CFI: variants seen among roughly 807,000 people sequenced by gnomAD.
CFI encodes the protein C3B/C4B inactivator.
A neutral mutation model predicts 78.8 loss-of-function variants in CFI; 66 were observed. That is an observed-to-expected ratio of 0.84 (90% CI 0.69 to 1.03). The LOEUF (loss-of-function observed/expected upper bound fraction) is 1.03, where lower values mean the gene tolerates loss of function less well. Ranked by LOEUF, CFI falls within the 50% of genes least tolerant of loss-of-function variation. CFI has a pLI of 0.00. For missense variants in CFI, 706 were observed against 704.5 expected (o/e 1.00, Z -0.02); for synonymous variants, 250 against 232.6 (o/e 1.07, Z -0.68).
chr4:109,779,385 T>G (rs1729697283), intron 1 of CFI, among the ~76,000 whole-genome samples: 1 of 152,004 alleles, frequency 6.6e-6, no homozygotes, highest in Non-Finnish European at 1.5e-5. Context: ...CATTCACAAT[T>G]GCTTCAAAGA....
At chr4:109,739,074 AT>A (rs1579144908), downstream of CFI, among the ~76,000 whole-genome samples, 1 of 152,186 alleles carries the variant, frequency 6.6e-6, no homozygotes, top group Non-Finnish European at 1.5e-5. Flanking sequence ...AATAGTTAAA[AT>A]TGTTACTTTT....
intron 1 of CFI, among the ~76,000 whole-genome samples, chr4:109,775,362 G>T (rs1245936410): frequency 6.6e-6 from 1 of 152,210 alleles, no homozygotes; most frequent in African/African-American, 2.4e-5. Context: ...TCCCGTGCCT[G>T]GCTCGGAGGG....
intron 9 of CFI, 62 bp from the exon 10 acceptor site, chr4:109,749,383 G>C: frequency 6.5e-7 from 1 of 1,526,760 alleles, no homozygotes; most frequent in Non-Finnish European, 9.1e-7. Context: ...ACAGCCCTAA[G>C]ATATTTCCAT....
intron 12 of CFI, 139 bp from the exon 13 acceptor site, chr4:109,741,249 C>T: frequency 6.7e-7 from 1 of 1,501,002 alleles, no homozygotes; most frequent in South Asian, 1.3e-5. Flanking sequence ...CTTAGAGTCC[C>T]TGGCTGGGCT....
the CFI span, among the ~76,000 whole-genome samples, chr4:109,732,043 C>G: frequency 6.6e-6 from 1 of 152,188 alleles, no homozygotes; most frequent in Non-Finnish European, 1.5e-5. Context: ...ACTCCCTAGT[C>G]CAGGGACAAG....
intron 6 of CFI, among the ~76,000 whole-genome samples, chr4:109,758,477 T>A (rs1217195577): frequency 6.6e-6 from 1 of 152,158 alleles, no homozygotes; most frequent in Non-Finnish European, 1.5e-5. Flanking sequence ...CATTGGAGGT[T>A]ATCCAGAGCA....
Position 109,764,697 on chromosome 4 carries a change from T to TA in CFI, c.329-8dup, listed in dbSNP as rs754551276. The TA allele has an allele frequency of 7.3e-5, 118 of 1,612,102 alleles. No individual in the cohort carries two copies. In the African/African-American group the frequency reaches 1.0e-3, roughly 14 times the overall value. On this transcript the variant is annotated splice_polypyrimidine_tract_variant and splice_region_variant and intron_variant, in intron 2 of 12. Coordinates refer to ENST00000394634, the MANE Select transcript of CFI (RefSeq NM_000204.5). ...AAGGAAACACTAAACTTTCCTAAAA[T>TA]AAAAAAACAAAATAATGTGCAATAT...
chr4:109,734,387 G>T, the CFI span, among the ~76,000 whole-genome samples: 1 of 152,174 alleles, frequency 6.6e-6, no homozygotes, highest in Non-Finnish European at 1.5e-5. Flanking sequence ...TATGAGGAAG[G>T]TGAGGGCCGG....
chr4:109,800,224 A>G (rs1421788325), intron 1 of CFI, among the ~76,000 whole-genome samples: 1 of 151,748 alleles, frequency 6.6e-6, no homozygotes, highest in African/African-American at 2.4e-5. Context: ...TTGTAATAAA[A>G]TTTTAGGGTA....
At chr4:109,734,792 A>G in the CFI span, among the ~76,000 whole-genome samples, 4 of 152,214 alleles carry the variant, frequency 2.6e-5, no homozygotes, top group Non-Finnish European at 5.9e-5. Flanking sequence ...CAACAGAGCA[A>G]CAGTCTGTCT....
In CFI at chr4:109,760,515, A is replaced by T. The variant is rs767376435; in HGVS notation, c.772+8T>A. 3.2e-6 allele frequency: 5 copies of T among 1,542,454 alleles called. No individual in the cohort carries two copies. The highest frequency in any genetic ancestry group is 4.5e-6 in the Non-Finnish European group (5 of 1,114,478). On this transcript the variant is annotated splice_region_variant and intron_variant, in intron 5 of 12. Coordinates refer to ENST00000394634, the MANE Select transcript of CFI (RefSeq NM_000204.5). ...TTTAGAGGATTTAGAGGCTAGATTT[A>T]TGTCTACCTTTACAACACAGTTCAT...
At chr4:109,790,901 A>G (rs1387510127) in intron 1 of CFI, among the ~76,000 whole-genome samples, 2 of 152,212 alleles carry the variant, frequency 1.3e-5, no homozygotes, top group African/African-American at 2.4e-5. Flanking sequence ...TAGTGCCGCA[A>G]TGAACATATG....
chr4:109,776,448 G>T (rs1011347977), intron 1 of CFI, among the ~76,000 whole-genome samples: 1 of 152,130 alleles, frequency 6.6e-6, no homozygotes, highest in Non-Finnish European at 1.5e-5. Flanking sequence ...AATGAACAAA[G>T]CCTCCAAGAA....
intron 6 of CFI, among the ~76,000 whole-genome samples, chr4:109,758,319 G>T (rs1049735649): frequency 6.6e-6 from 1 of 151,770 alleles, no homozygotes; most frequent in Admixed American, 6.6e-5. Flanking sequence ...CTAGAGCAGG[G>T]ACTGGCACAC....
At chr4:109,732,463 T>C in the CFI span, among the ~76,000 whole-genome samples, 1 of 152,230 alleles carries the variant, frequency 6.6e-6, no homozygotes, top group Non-Finnish European at 1.5e-5. Context: ...TAATTGATGC[T>C]GTTAAATACC....
Position 109,756,976 on chromosome 4 carries a change from A to C in CFI, c.904+787T>G, listed in dbSNP as rs140380637. On this transcript the variant is annotated intron_variant, in intron 7 of 12. Coordinates refer to ENST00000394634, the MANE Select transcript of CFI (RefSeq NM_000204.5). The stretch of plus-strand genomic sequence containing the variant: ...AAGAAAGAAAGAAAGAAAGAAAGAA[A>C]GAAATTCTGAGGAGGATCATGAACT... 4.2e-3 allele frequency among the ~76,000 whole-genome samples: 606 copies of C among 144,296 alleles called. 12 individuals carry two copies. Among genetic ancestry groups the C allele is most frequent in the African/African-American group, 0.015 (576 of 39,334 alleles). 94.7% of individuals were successfully genotyped at this position (144,296 alleles called of 152,430 possible). A position where few individuals can be genotyped will look rare whatever the true frequency, so the allele number is the denominator to read the frequency against.
At chr4:109,783,957 T>A (rs1488621281) in intron 1 of CFI, among the ~76,000 whole-genome samples, 2 of 151,354 alleles carry the variant, frequency 1.3e-5, no homozygotes, top group Admixed American at 6.6e-5. Flanking sequence ...TATCGTACGT[T>A]CTCACTGATA....
chr4:109,755,972 A>G (rs1025916105), intron 7 of CFI, among the ~76,000 whole-genome samples: 2 of 152,210 alleles, frequency 1.3e-5, no homozygotes, highest in Non-Finnish European at 2.9e-5. Context: ...ACACAGTAAC[A>G]TGGACAGGTC....
intron 1 of CFI, among the ~76,000 whole-genome samples, chr4:109,792,314 CA>C (rs1257105791): frequency 1.3e-5 from 2 of 152,116 alleles, no homozygotes; most frequent in African/African-American, 2.4e-5. Flanking sequence ...CACAGTGACT[CA>C]CGCCTATAAT....
Sources: gnomAD v4.1 joint callset for allele counts (sites outside exome capture counted in the v4.1 genomes callset) on GRCh38, gnomAD v4.1.1 for gene constraint, MANE v1.5 for transcripts, NCBI Gene and HGNC (gene_info 2026-07-23, HGNC 2026-07-21) for gene names.